The following GLYR1 variants were observed in gnomAD, a reference collection of about 807,000 sequenced individuals.
GLYR1 encodes cytokine-like nuclear factor N-PAC.
GLYR1 carries 21 observed loss-of-function variants against 72.7 expected under a neutral mutation model. That is an observed-to-expected ratio of 0.29 (90% confidence interval 0.20 to 0.42). The LOEUF (loss-of-function observed/expected upper bound fraction) is 0.42. Among genes scored for constraint, GLYR1 ranks in the 10% least tolerant of loss-of-function variants. The probability of loss-of-function intolerance (pLI) is 1.00; values close to 1 mark genes in which losing one functional copy is unlikely to be tolerated. For synonymous variants in GLYR1, 392 were observed against 270.2 expected, an observed-to-expected ratio of 1.45 and a Z score of -4.42; for missense variants, 594 against 712.1, an observed-to-expected ratio of 0.83 and a Z score of 1.89.
chr16:4,805,598 T>G (rs932126180), intron 15 of GLYR1, among the ~76,000 whole-genome samples: 1 of 152,206 alleles, frequency 6.6e-6, no homozygotes, highest in Non-Finnish European at 1.5e-5. Context: ...GGCTCATGCC[T>G]GTAAGGCCGA....
At chr16:4,808,535 T>A (rs1187702338) in intron 15 of GLYR1, among the ~76,000 whole-genome samples, 1 of 151,098 alleles carries the variant, frequency 6.6e-6, no homozygotes, top group African/African-American at 2.4e-5. Flanking sequence ...GAGGCAGAGG[T>A]TGCAGTGAGC....
At chr16:4,807,486 T>C (rs1397302131) in intron 15 of GLYR1, among the ~76,000 whole-genome samples, 1 of 152,132 alleles carries the variant, frequency 6.6e-6, no homozygotes. Flanking sequence ...AGAAATCAAA[T>C]GATAAAATGG....
intron 5 of GLYR1, among the ~76,000 whole-genome samples, chr16:4,830,687 C>T (rs765472772): frequency 6.6e-5 from 10 of 152,216 alleles, no homozygotes. Context: ...GACAATCCTA[C>T]CGCGTTCCTG....
intron 6 of GLYR1, among the ~76,000 whole-genome samples, chr16:4,823,304 G>C (rs1040574674): frequency 6.6e-6 from 1 of 152,144 alleles, no homozygotes; most frequent in Non-Finnish European, 1.5e-5. Context: ...CAGGGTTTTG[G>C]CCTACTTGTG....
intron 5 of GLYR1, among the ~76,000 whole-genome samples, chr16:4,825,270 C>T (rs1370129515): frequency 1.3e-5 from 2 of 152,284 alleles, no homozygotes; most frequent in East Asian, 3.9e-4. Context: ...CCCACCCATC[C>T]CACGCCAATC....
Position 4,811,814 on chromosome 16 carries a change from A to G in GLYR1, c.1283-12T>C. The G allele has an allele frequency of 6.2e-7, 1 of 1,608,714 alleles. No homozygotes were observed. Among genetic ancestry groups the G allele is most frequent in the South Asian group, 1.1e-5 (1 of 90,566 alleles). Reference sequence around the variant, plus strand: ...ATTGCCCACTTCACCTGCCCAGGGTAAAGACTCACGGTCACAGCCCAAGAA... The same window carrying G: ...ATTGCCCACTTCACCTGCCCAGGGTGAAGACTCACGGTCACAGCCCAAGAA... On this transcript the variant is annotated splice_polypyrimidine_tract_variant and intron_variant, in intron 13 of 15. Coordinates refer to ENST00000321919, the MANE Select transcript of GLYR1 (RefSeq NM_032569.4).
chr16:4,811,750 C>T lies in GLYR1; in HGVS notation c.1335G>A (p.Gly445=), dbSNP rs1277845575. The change falls in exon 14 of 16, where the codon GGG becomes GGA. Residue 445 remains glycine (G), a synonymous_variant. Coordinates refer to ENST00000321919, the MANE Select transcript of GLYR1 (RefSeq NM_032569.4). The part of the protein sequence containing the change: ...KMMLIVNMVQ[G]SFMATIAEGL... ...CCTCGGCAATAGTGGCCATGAAGCT[C>T]CCTTGGACCATGTTCACGATCAGCA... 1 of 1,614,152 alleles carries T rather than the reference C, an allele frequency of 6.2e-7. No homozygotes were observed. The highest frequency in any genetic ancestry group is 1.7e-5 in the Admixed American group (1 of 59,994).
Position 4,805,096 on chromosome 16 carries a change from GATGGCAAGTCTC to G in GLYR1, c.*128_*139del, listed in dbSNP as rs1260795874. The G allele has an allele frequency of 5.6e-6, 4 of 720,590 alleles. No homozygotes were observed. The African/African-American group carries it at 6.9e-5, about 12-fold the overall frequency. 44.6% of individuals were successfully genotyped at this position (720,590 alleles called of 1,614,324 possible). On this transcript the variant is annotated 3_prime_UTR_variant, in exon 16 of 16. Transcript: ENST00000321919. ...GAAGGGTGCTGCTGTGTGCTGTGCTGATGGCAAGTCTCAAAGTCTGTATAAAAGGAAATGGAG... is the reference window on the plus strand; with the variant it reads ...GAAGGGTGCTGCTGTGTGCTGTGCTGAAAGTCTGTATAAAAGGAAATGGAG...
intron 3 of GLYR1, chr16:4,839,438 G>C (rs150714112): frequency 6.6e-6 from 1 of 152,222 alleles, no homozygotes; most frequent in Non-Finnish European, 1.5e-5. Context: ...CTCTGATGGG[G>C]GGGTCACCAC....
intron 9 of GLYR1, 113 bp downstream of exon 9, chr16:4,821,267 T>A: frequency 9.6e-7 from 1 of 1,046,214 alleles, no homozygotes; most frequent in Non-Finnish European, 1.5e-6. Context: ...ACCTTTTCCA[T>A]TCAATGCCAG....
intron 11 of GLYR1, among the ~76,000 whole-genome samples, chr16:4,814,120 G>C (rs2083483258): frequency 6.6e-6 from 1 of 151,414 alleles, no homozygotes; most frequent in Non-Finnish European, 1.5e-5. Flanking sequence ...ATTTACTTTG[G>C]GGACTTCTTT....
At chr16:4,806,556 G>A (rs573391157) in intron 15 of GLYR1, among the ~76,000 whole-genome samples, 26 of 150,820 alleles carry the variant, frequency 1.7e-4, no homozygotes, top group African/African-American at 6.3e-4. Flanking sequence ...TTGTACAGAT[G>A]GGGGTCTTGC....
chr16:4,837,688 G>A (rs765528308), intron 3 of GLYR1, among the ~76,000 whole-genome samples: 3 of 151,942 alleles, frequency 2.0e-5, no homozygotes, highest in Non-Finnish European at 2.9e-5. Context: ...GGTAGCTCAC[G>A]CCTATAATCC....
At position 4,804,933 on chromosome 16, in the gene GLYR1, CTG is replaced by C. The variant is rs143624351; in HGVS notation, c.*301_*302del. 30,035 of 293,320 alleles carry C rather than the reference CTG, an allele frequency of 0.1. 229 individuals are homozygous for C. The highest frequency in any genetic ancestry group is 0.15 in the East Asian group (2,885 of 19,196). The allele number at this position is 293,320 out of a possible 1,614,324, so 18.2% of individuals were successfully genotyped here. A position where few individuals can be genotyped will look rare whatever the true frequency, so the allele number is the denominator to read the frequency against. ...GCAGCTTCTATCCTGGGGCGAGAGC[CTG>C]TGTGTGTGTGTGTGTGTGTGTGTGT... is the stretch of plus-strand genomic sequence containing the variant. On this transcript the variant is annotated 3_prime_UTR_variant, in exon 16 of 16. Coordinates refer to ENST00000321919, the MANE Select transcript of GLYR1 (RefSeq NM_032569.4).
chr16:4,811,697 T>A lies in GLYR1; in HGVS notation c.1388A>T (p.Gln463Leu). The change falls in exon 14 of 16, where the codon CAG becomes CTG. Residue 463 changes from glutamine (Q) to leucine (L), a missense_variant. Coordinates refer to ENST00000321919, the MANE Select transcript of GLYR1 (RefSeq NM_032569.4). ...EGLTLAQVTG[Q>L]SQQTLLDILN... ...GATGTCCAAGAGTGTCTGCTGGGACTGGCCTGTCACCTGGGCCAGGGTCAG... is the reference window on the plus strand; with the variant it reads ...GATGTCCAAGAGTGTCTGCTGGGACAGGCCTGTCACCTGGGCCAGGGTCAG... 1 of 1,614,246 alleles carries A rather than the reference T, an allele frequency of 6.2e-7. No individual in the cohort carries two copies.
intron 1 of GLYR1, chr16:4,846,588 G>A: frequency 3.6e-6 from 1 of 277,304 alleles, no homozygotes; most frequent in South Asian, 3.7e-5. Context: ...GCCTTCCTCT[G>A]GGTGGAGAAA....
At chr16:4,806,540 T>A (rs1249006984) in intron 15 of GLYR1, among the ~76,000 whole-genome samples, 3 of 150,874 alleles carry the variant, frequency 2.0e-5, no homozygotes. Flanking sequence ...AGTTTTTTAT[T>A]TTTTTTTGTA....
intron 5 of GLYR1, among the ~76,000 whole-genome samples, chr16:4,824,235 C>T (rs182016103): frequency 3.9e-4 from 59 of 152,228 alleles, no homozygotes; most frequent in African/African-American, 1.2e-3. Flanking sequence ...GTTGTGGTGG[C>T]TGGGCGTGGT....
intron 5 of GLYR1, among the ~76,000 whole-genome samples, chr16:4,828,376 G>A (rs893123545): frequency 1.3e-5 from 2 of 152,010 alleles, no homozygotes; most frequent in African/African-American, 4.8e-5. Context: ...GCAAAGGTAT[G>A]TACATTTTAA....
Sources: allele counts gnomAD v4.1 joint callset (sites outside exome capture counted in the v4.1 genomes callset), GRCh38; gene constraint gnomAD v4.1.1; transcripts MANE v1.5; gene names NCBI Gene and HGNC (gene_info 2026-07-23, HGNC 2026-07-21).